EHBP1: variants seen among roughly 807,000 people sequenced by gnomAD.
EHBP1 encodes the protein EH domain-binding protein 1.
Under a neutral mutation model 144.0 loss-of-function variants are expected in EHBP1, and 55 were observed. The observed-to-expected ratio is 0.38, with a 90% CI of 0.31 to 0.48. The LOEUF is 0.48. Among genes scored for constraint, EHBP1 ranks in the 20% least tolerant of loss-of-function variants. The probability of loss-of-function intolerance (pLI) is 0.98; values close to 1 mark genes in which losing one functional copy is unlikely to be tolerated. For synonymous variants in EHBP1, 469 were observed against 472.7 expected, an observed-to-expected ratio of 0.99 and a Z score of 0.10; for missense variants, 1,200 against 1,364.2, an observed-to-expected ratio of 0.88 and a Z score of 1.90.
intron 5 of EHBP1, among the ~76,000 whole-genome samples, chr2:62,811,425 A>G (rs1410764138): frequency 2.0e-5 from 3 of 152,230 alleles, no homozygotes; most frequent in African/African-American, 7.2e-5. Context: ...CACAGTTTTG[A>G]AAAGTAAGAA....
At chr2:62,928,840 CAAAAA>C in intron 10 of EHBP1, among the ~76,000 whole-genome samples, 1 of 65,254 alleles carries the variant, frequency 1.5e-5, no homozygotes, top group African/African-American at 4.8e-5. Context: ...AGACTAAGAA[CAAAAA>C]AAAAAAAAAA....
chr2:62,888,604 C>A (rs1183261688), intron 10 of EHBP1, among the ~76,000 whole-genome samples: 2 of 152,156 alleles, frequency 1.3e-5, no homozygotes, highest in Non-Finnish European at 2.9e-5. Context: ...TATTTGTGTA[C>A]TTTAACAATA....
At chr2:62,731,290 TTA>T (rs1470139189) in intron 2 of EHBP1, among the ~76,000 whole-genome samples, 1 of 152,182 alleles carries the variant, frequency 6.6e-6, no homozygotes, top group Non-Finnish European at 1.5e-5. Context: ...CTATGATTGC[TTA>T]TGTATTTTAG....
intron 19 of EHBP1, among the ~76,000 whole-genome samples, chr2:63,007,230 A>G (rs1346278329): frequency 6.6e-6 from 1 of 151,878 alleles, no homozygotes; most frequent in Non-Finnish European, 1.5e-5. Context: ...TGTTTAGAGT[A>G]TAATACCCTT....
intron 10 of EHBP1, among the ~76,000 whole-genome samples, chr2:62,937,793 G>C (rs2056478077): frequency 6.6e-6 from 1 of 152,142 alleles, no homozygotes; most frequent in Non-Finnish European, 1.5e-5. Flanking sequence ...AGTAATACTA[G>C]AGAGTAAATA....
chr2:62,843,631 T>C (rs780492994), intron 7 of EHBP1, among the ~76,000 whole-genome samples: 3 of 152,208 alleles, frequency 2.0e-5, no homozygotes, highest in African/African-American at 4.8e-5. Context: ...TGTTTGGCTT[T>C]CTTAGTTGTA....
At chr2:62,835,601 G>C (rs1467450259) in intron 7 of EHBP1, among the ~76,000 whole-genome samples, 2 of 152,312 alleles carry the variant, frequency 1.3e-5, no homozygotes, top group East Asian at 3.9e-4. Context: ...TCACTAGGGA[G>C]TGCCAGACAG....
At chr2:62,976,924 G>GT (rs59444192) in intron 14 of EHBP1, among the ~76,000 whole-genome samples, 2 of 151,606 alleles carry the variant, frequency 1.3e-5, no homozygotes, top group African/African-American at 2.4e-5. Context: ...AAATTTCTGA[G>GT]TTTTTTTTCC....
intron 2 of EHBP1, among the ~76,000 whole-genome samples, chr2:62,740,411 A>G (rs1281689767): frequency 4.6e-5 from 7 of 152,224 alleles, no homozygotes; most frequent in Non-Finnish European, 8.8e-5. Flanking sequence ...ATAAAGGAGT[A>G]TAATTAACTG....
At chr2:63,017,483 G>A (rs544256737) in intron 19 of EHBP1, among the ~76,000 whole-genome samples, 146 of 152,288 alleles carry the variant, frequency 9.6e-4, no homozygotes, top group South Asian at 1.9e-3. Context: ...AGAAATGTGA[G>A]AATTAAATTA....
intron 2 of EHBP1, among the ~76,000 whole-genome samples, chr2:62,744,736 T>C (rs2038999794): frequency 6.6e-6 from 1 of 152,102 alleles, no homozygotes; most frequent in South Asian, 2.1e-4. Flanking sequence ...GCTTTCATTT[T>C]CTGAAGCACT....
intron 19 of EHBP1, among the ~76,000 whole-genome samples, chr2:63,031,702 G>A (rs1032667616): frequency 7.9e-5 from 12 of 152,154 alleles, no homozygotes; most frequent in African/African-American, 2.9e-4. Context: ...GCCGAGGTGG[G>A]CAAATCATTT....
At chr2:62,967,712 T>C (rs976073876) in intron 14 of EHBP1, among the ~76,000 whole-genome samples, 1 of 152,142 alleles carries the variant, frequency 6.6e-6, no homozygotes, top group Non-Finnish European at 1.5e-5. Flanking sequence ...GAAAAGACAA[T>C]GTATAGGTAT....
At chr2:62,877,431 G>A (rs749081883) in intron 10 of EHBP1, among the ~76,000 whole-genome samples, 1 of 152,118 alleles carries the variant, frequency 6.6e-6, no homozygotes, top group Non-Finnish European at 1.5e-5. Context: ...GACAATATTA[G>A]ACAGATCATC....
intron 10 of EHBP1, among the ~76,000 whole-genome samples, chr2:62,914,603 A>G (rs2054465325): frequency 6.6e-6 from 1 of 152,074 alleles, no homozygotes; most frequent in Admixed American, 6.6e-5. Context: ...TTTAGTGAGC[A>G]AAAGGACTGA....
chr2:62,953,495 G>C (rs2057516998), intron 13 of EHBP1, among the ~76,000 whole-genome samples: 1 of 151,966 alleles, frequency 6.6e-6, no homozygotes, highest in Non-Finnish European at 1.5e-5. Context: ...GCTGCAGTGA[G>C]CTGTGATCAT....
At chr2:62,993,771 AG>A in intron 17 of EHBP1, 99 bp from the exon 18 acceptor site, 1 of 817,292 alleles carries the variant, frequency 1.2e-6, no homozygotes, top group Non-Finnish European at 1.7e-6. Flanking sequence ...ATATATATAT[AG>A]TATATATGTA....
At chr2:62,841,244 A>T (rs967645081) in intron 7 of EHBP1, among the ~76,000 whole-genome samples, 2 of 151,612 alleles carry the variant, frequency 1.3e-5, no homozygotes, top group South Asian at 2.1e-4. Flanking sequence ...GCAAGATCAA[A>T]AAACCAAACA....
chr2:62,773,467 A>G (rs888235360), intron 5 of EHBP1, among the ~76,000 whole-genome samples: 1 of 151,768 alleles, frequency 6.6e-6, no homozygotes, highest in African/African-American at 2.4e-5. Context: ...AAACCATACT[A>G]CCTTTGGGGT....
Sources: gnomAD v4.1 joint callset for allele counts (sites outside exome capture counted in the v4.1 genomes callset) on GRCh38, gnomAD v4.1.1 for gene constraint, MANE v1.5 for transcripts, NCBI Gene and HGNC (gene_info 2026-07-23, HGNC 2026-07-21) for gene names.